NDUFA10: variants seen among roughly 807,000 people sequenced by gnomAD.
NDUFA10 encodes NADH:ubiquinone oxidoreductase subunit A10, also known as NADH dehydrogenase [ubiquinone] 1 alpha subcomplex subunit 10, mitochondrial.
In NDUFA10, 40 loss-of-function variants were observed where a neutral mutation model predicts 47.8. The observed-to-expected ratio is 0.84, with a 90% CI of 0.65 to 1.09. The LOEUF is 1.09. Ranked by LOEUF, NDUFA10 falls within the 50% of genes least tolerant of loss-of-function variation. NDUFA10 has a pLI of 0.00. For missense variants in NDUFA10, 413 were observed against 451.1 expected (o/e 0.92, Z 0.76); for synonymous variants, 183 against 172.2 (o/e 1.06, Z -0.49).
chr2:240,012,457 G>T (rs557858974), intron 5 of NDUFA10: 8 of 152,400 alleles, frequency 5.2e-5, no homozygotes, highest in Admixed American at 4.6e-4. Context: ...GCAGGGTCTA[G>T]GACAGGGTGG....
In NDUFA10 at chr2:240,019,756, T is replaced by G. The variant is rs1224848332; in HGVS notation, c.461-1117A>C. Among the ~76,000 whole-genome samples the G allele has an allele frequency of 5.4e-3, 145 of 26,766 alleles. 46 individuals are homozygous for G. Among genetic ancestry groups the G allele is most frequent in the Non-Finnish European group, 9.2e-3 (121 of 13,212 alleles). 17.6% of individuals were successfully genotyped at this position (26,766 alleles called of 152,430 possible). Reference sequence around the variant, plus strand: ...ATGGCATGAACCCGGGAGGCGGAGCTTGCAGTGAGCCGAGATCCCGCCACT... The same window carrying G: ...ATGGCATGAACCCGGGAGGCGGAGCGTGCAGTGAGCCGAGATCCCGCCACT... On this transcript the variant is annotated intron_variant, in intron 3 of 9. Coordinates refer to ENST00000252711, the MANE Select transcript of NDUFA10 (RefSeq NM_004544.4).
At chr2:239,969,460 T>A (rs1695223005) in intron 9 of NDUFA10, 1 of 258,248 alleles carries the variant, frequency 3.9e-6, no homozygotes, top group Admixed American at 5.4e-5. Flanking sequence ...CTGCTGCCTG[T>A]TCATGCCACG....
rs1559397314 is a variant in NDUFA10 at position 240,014,951 on chromosome 2, C to G, written c.548-91G>C. Reference sequence around the variant, plus strand: ...CTCCTTGAATAAAAGGGCAAACATACACGCAATTCTCAAAGCCACGTACCA... The same window carrying G: ...CTCCTTGAATAAAAGGGCAAACATAGACGCAATTCTCAAAGCCACGTACCA... On this transcript the variant is annotated intron_variant, in intron 4 of 9. Coordinates refer to ENST00000252711, the MANE Select transcript of NDUFA10 (RefSeq NM_004544.4). 4.5e-6 allele frequency: 7 copies of G among 1,567,516 alleles called. No individual in the cohort carries two copies. The Admixed American group carries it at 5.3e-5, about 12-fold the overall frequency.
Position 239,946,484 on chromosome 2 carries a change from TCA to T in NDUFA10, c.294+43588_294+43589del, listed in dbSNP as rs958395542. On this transcript the variant is annotated intron_variant, in intron 4 of 5. Coordinates refer to the NDUFA10 transcript ENST00000419408. ...GGGGCCCTCCCCGCAGGCACTGCGC[TCA>T]GAGCCACGGAGTGAGTCTCAAGCCC... 4.6e-5 allele frequency among the ~76,000 whole-genome samples: 7 copies of T among 152,278 alleles called. No individual in the cohort carries two copies. The East Asian group carries it at 1.2e-3, about 25-fold the overall frequency.
At chr2:239,944,064 G>A (rs1216183168) in intron 4 of NDUFA10, among the ~76,000 whole-genome samples, 1 of 152,230 alleles carries the variant, frequency 6.6e-6, no homozygotes, top group Non-Finnish European at 1.5e-5. Flanking sequence ...CACCTGGCTA[G>A]TCCTGTTGCT....
intron 4 of NDUFA10, among the ~76,000 whole-genome samples, chr2:239,905,786 A>G (rs1019657960): frequency 7.2e-6 from 1 of 139,854 alleles, no homozygotes; most frequent in Admixed American, 7.0e-5. Context: ...TCTGAAGAAG[A>G]AGAAGCGGGG....
intron 4 of NDUFA10, among the ~76,000 whole-genome samples, chr2:240,017,547 GCCC>G (rs1225445854): frequency 6.6e-6 from 1 of 152,110 alleles, no homozygotes; most frequent in African/African-American, 2.4e-5. Flanking sequence ...TGGTTCAACA[GCCC>G]CCAACCCCGG....
At chr2:239,986,517 TCA>T (rs562187516) in intron 9 of NDUFA10, among the ~76,000 whole-genome samples, 1 of 152,206 alleles carries the variant, frequency 6.6e-6, no homozygotes, top group African/African-American at 2.4e-5. Context: ...TGGTGTGTAT[TCA>T]CAGTTTTCAA....
At position 240,021,250 on chromosome 2, in the gene NDUFA10, T is replaced by G; in HGVS notation, c.407A>C (p.Tyr136Ser). ...GNSYRLQSWL[Y>S]SSRLLQYSDA... ...TGAGTACTGCAGCAGGCGACTGCTG[T>G]ACAACCAGGACTGCAGGCGGTAACT... Residue 136 changes from tyrosine to serine, a missense_variant, in exon 3 of 10, where the codon TAC (tyrosine) becomes TCC (serine). Physicochemically the swap from Tyr to Ser is moderately radical, Grantham distance 144. Coordinates refer to ENST00000252711, the MANE Select transcript of NDUFA10 (RefSeq NM_004544.4). 1.2e-6 allele frequency: 2 copies of G among 1,614,222 alleles called. No homozygotes were observed. The highest frequency in any genetic ancestry group is 1.7e-6 in the Non-Finnish European group (2 of 1,180,032).
chr2:239,983,380 T>G (rs1344179841), intron 9 of NDUFA10: 107 of 1,375,630 alleles, frequency 7.8e-5, no homozygotes, highest in Non-Finnish European at 1.0e-4. Flanking sequence ...ATGTCTCTGA[T>G]GGACAAAAGG....
intron 9 of NDUFA10, among the ~76,000 whole-genome samples, chr2:239,972,526 G>A (rs1331738324): frequency 6.6e-6 from 1 of 152,054 alleles, no homozygotes; most frequent in Non-Finnish European, 1.5e-5. Flanking sequence ...GAGCACTATA[G>A]ATATTAAAGA....
intron 4 of NDUFA10, among the ~76,000 whole-genome samples, chr2:239,915,823 C>T (rs1044203517): frequency 2.0e-5 from 3 of 149,902 alleles, no homozygotes; most frequent in Admixed American, 6.6e-5. Flanking sequence ...CACAGAGATA[C>T]ACAAACACAC....
At chr2:239,998,442 G>A (rs1051939518) in intron 8 of NDUFA10, among the ~76,000 whole-genome samples, 42 of 152,314 alleles carry the variant, frequency 2.8e-4, no homozygotes, top group Middle Eastern at 3.4e-3. Flanking sequence ...CACAGCTCTT[G>A]CGCTCTCAGA....
intron 9 of NDUFA10, among the ~76,000 whole-genome samples, chr2:239,961,802 G>A (rs11891170): frequency 0.031 from 4,771 of 152,306 alleles, 252 homozygotes; most frequent in African/African-American, 0.11. Flanking sequence ...ATCCAGGAGC[G>A]ACAGGACGAC....
chr2:240,000,536 A>G (rs1696666295), intron 8 of NDUFA10, among the ~76,000 whole-genome samples: 1 of 152,242 alleles, frequency 6.6e-6, no homozygotes, highest in Admixed American at 6.5e-5. Context: ...CTTACTGAAG[A>G]AAAAAACTTT....
chr2:240,020,263 G>A (rs1349896881), intron 3 of NDUFA10, among the ~76,000 whole-genome samples: 1 of 152,146 alleles, frequency 6.6e-6, no homozygotes, highest in Non-Finnish European at 1.5e-5. Flanking sequence ...TGCGTGAGAA[G>A]CTCATCAGGG....
chr2:239,991,881 T>C (rs1696263490), intron 8 of NDUFA10, among the ~76,000 whole-genome samples: 1 of 152,198 alleles, frequency 6.6e-6, no homozygotes, highest in Admixed American at 6.5e-5. Context: ...CCATGTGTAG[T>C]ATAGAGAGCA....
chr2:240,005,297 T>G lies in NDUFA10; in HGVS notation c.805-2A>C, dbSNP rs1696906488. 6.2e-7 allele frequency: 1 copy of G among 1,612,978 alleles called. No individual in the cohort carries two copies. The highest frequency in any genetic ancestry group is 8.5e-7 in the Non-Finnish European group (1 of 1,179,002). Reference sequence around the variant, plus strand: ...CAGGTATTCAATGTCCTCTACCACCTAAGACAGGAAAAATTCCAATTTAAA... The same window carrying G: ...CAGGTATTCAATGTCCTCTACCACCGAAGACAGGAAAAATTCCAATTTAAA... On this transcript the variant is annotated splice_acceptor_variant, in intron 7 of 9. Transcript: ENST00000252711. LOFTEE classifies it high-confidence loss of function.
At chr2:239,970,169 T>C (rs1695252759) in intron 9 of NDUFA10, among the ~76,000 whole-genome samples, 1 of 152,100 alleles carries the variant, frequency 6.6e-6, no homozygotes. Context: ...AAAAGGTTCA[T>C]CAGGGACAAG....
Sources: gnomAD v4.1 joint callset for allele counts (sites outside exome capture counted in the v4.1 genomes callset) on GRCh38, gnomAD v4.1.1 for gene constraint, MANE v1.5 for transcripts, NCBI Gene and HGNC (gene_info 2026-07-23, HGNC 2026-07-21) for gene names.